Variants in SPAG9 observed in about 807,000 individuals in gnomAD.
SPAG9 encodes the protein C-Jun-amino-terminal kinase-interacting protein 4.
SPAG9 carries 35 observed loss-of-function variants against 166.5 expected under a neutral mutation model. The ratio of observed to expected loss-of-function variants is 0.21; its 90% CI spans 0.16 to 0.28. SPAG9 has a LOEUF of 0.28. Ranked by LOEUF, SPAG9 falls within the 10% of genes least tolerant of loss-of-function variation. The pLI is 1.00. For synonymous variants in SPAG9, 534 were observed against 565.5 expected (o/e 0.94, Z 0.79); for missense variants, 1,235 against 1,603.3 (o/e 0.77, Z 3.92).
chr17:51,029,795 G>A (rs2046320556), intron 6 of SPAG9, among the ~76,000 whole-genome samples: 1 of 152,158 alleles, frequency 6.6e-6, no homozygotes, highest in Admixed American at 6.6e-5. Context: ...TTTAATGAGT[G>A]CAGAGTTTTA....
rs1413591196 is a variant in SPAG9 at position 50,984,969 on chromosome 17, T to C, written c.3042A>G (p.Leu1014=). The change falls in exon 24 of 30, where the codon TTA becomes TTG. Residue 1014 remains leucine (L), a synonymous_variant. Transcript: ENST00000262013. Reference sequence around the variant, plus strand: ...CAAGGGTGCCGTCAGCCAGGGCTACTAACACGATTCCCTTCACGTGTCTGC... The same window carrying C: ...CAAGGGTGCCGTCAGCCAGGGCTACCAACACGATTCCCTTCACGTGTCTGC... ...LSIVHVKGIV[L]VALADGTLAI... The C allele has an allele frequency of 6.2e-7, 1 of 1,614,086 alleles. No homozygotes were observed. Among genetic ancestry groups the C allele is most frequent in the Non-Finnish European group, 8.5e-7 (1 of 1,180,028 alleles).
chr17:50,962,518 C>A lies in SPAG9; in HGVS notation c.*3754G>T, dbSNP rs546015648. On this transcript the variant is annotated 3_prime_UTR_variant, in exon 30 of 30. Coordinates refer to ENST00000262013, the MANE Select transcript of SPAG9 (RefSeq NM_001130528.3). The stretch of plus-strand genomic sequence containing the variant: ...CATTTAGTGTTACAGAATAGCATAA[C>A]CCTGTTAGAAAAGCATTTATGATTT... 2.0e-5 allele frequency: 3 copies of A among 152,262 alleles called. No homozygotes were observed. The South Asian group carries it at 6.2e-4, about 32-fold the overall frequency. 9.4% of individuals were successfully genotyped at this position (152,262 alleles called of 1,614,324 possible).
At chr17:51,118,840 A>C (rs1260178938) in intron 1 of SPAG9, among the ~76,000 whole-genome samples, 1 of 152,182 alleles carries the variant, frequency 6.6e-6, no homozygotes, top group Non-Finnish European at 1.5e-5. Context: ...ACTTGAGGCC[A>C]GGAGTTCAAG....
At chr17:51,023,111 TTAAGTTATTC>T (rs1271642561) in intron 6 of SPAG9, among the ~76,000 whole-genome samples, 3 of 148,696 alleles carry the variant, frequency 2.0e-5, no homozygotes. Context: ...AAGATTCTTA[TTAAGTTATTC>T]TACATTATGG....
At chr17:51,112,390 A>C (rs1045865320) in intron 1 of SPAG9, among the ~76,000 whole-genome samples, 1 of 149,540 alleles carries the variant, frequency 6.7e-6, no homozygotes, top group Non-Finnish European at 1.5e-5. Context: ...AAAAAAAAAA[A>C]GGCCAGGCGC....
In SPAG9 at chr17:50,993,864, C is replaced by A; in HGVS notation, c.2298G>T (p.Ser766=). The A allele has an allele frequency of 6.2e-7, 1 of 1,614,048 alleles. No individual in the cohort carries two copies. Among genetic ancestry groups the A allele is most frequent in the Non-Finnish European group, 8.5e-7 (1 of 1,179,970 alleles). Reference sequence around the variant, plus strand: ...CATCAATAATAAGAACTTTTGTAGCCGAATGAGTGCTGGTACAGATCCAAA... The same window carrying A: ...CATCAATAATAAGAACTTTTGTAGCAGAATGAGTGCTGGTACAGATCCAAA... ...SLVWICTSTH[S]ATKVLIIDAV... The change falls in exon 19 of 30, where the codon TCG becomes TCT. Residue 766 remains serine (S), a synonymous_variant. Transcript: ENST00000262013.
At chr17:51,034,956 G>C (rs2046529982) in intron 5 of SPAG9, among the ~76,000 whole-genome samples, 1 of 152,160 alleles carries the variant, frequency 6.6e-6, no homozygotes, top group Admixed American at 6.6e-5. Context: ...GGTCATGAAA[G>C]ACAAGACAAG....
chr17:51,071,143 G>C (rs908645110), intron 2 of SPAG9, among the ~76,000 whole-genome samples: 9 of 151,838 alleles, frequency 5.9e-5, no homozygotes, highest in Admixed American at 5.3e-4. Flanking sequence ...ACCATACCTA[G>C]GCAGAATGCT....
intron 1 of SPAG9, among the ~76,000 whole-genome samples, chr17:51,114,661 T>A (rs1032313852): frequency 1.3e-5 from 2 of 151,698 alleles, no homozygotes; most frequent in Non-Finnish European, 2.9e-5. Flanking sequence ...AAATAAAATA[T>A]CAAGTGTGGG....
chr17:51,077,005 G>GCTAT (rs201838131), intron 2 of SPAG9, among the ~76,000 whole-genome samples: 1,314 of 92,202 alleles, frequency 0.014, 68 homozygotes, highest in South Asian at 0.041. Flanking sequence ...TAGCTATCTA[G>GCTAT]CTAGCTAGCT....
intron 2 of SPAG9, 35 bp from the exon 3 acceptor site, chr17:51,056,517 A>C (rs759568960): frequency 7.4e-7 from 1 of 1,350,968 alleles, no homozygotes; most frequent in South Asian, 1.2e-5. Context: ...ATCAAAACAA[A>C]ATAAGAAATT....
At chr17:51,002,766 AAAC>A (rs75218074) in intron 12 of SPAG9, among the ~76,000 whole-genome samples, 19 of 151,818 alleles carry the variant, frequency 1.3e-4, no homozygotes, top group South Asian at 6.3e-4. Context: ...TTAAAAAACA[AAAC>A]AACAACAACA....
chr17:51,013,869 T>C (rs1165334587), intron 9 of SPAG9, among the ~76,000 whole-genome samples: 2 of 149,642 alleles, frequency 1.3e-5, no homozygotes, highest in Admixed American at 6.8e-5. Flanking sequence ...AGGGGATAAC[T>C]AGGCATCAAT....
intron 29 of SPAG9, among the ~76,000 whole-genome samples, chr17:50,967,556 T>TA (rs1387789371): frequency 2.6e-5 from 4 of 152,110 alleles, no homozygotes; most frequent in Admixed American, 6.6e-5. Flanking sequence ...GGTTAGAAGG[T>TA]AAAAAAATTA....
intron 1 of SPAG9, among the ~76,000 whole-genome samples, chr17:51,100,393 C>A (rs1174694032): frequency 1.3e-5 from 2 of 151,948 alleles, no homozygotes; most frequent in East Asian, 3.9e-4. Context: ...CTGCTTGAGC[C>A]CAGAAGTTTC....
intron 3 of SPAG9, among the ~76,000 whole-genome samples, chr17:51,053,857 ATATATATATATATATATAT>A (rs2047268599): frequency 1.4e-4 from 5 of 36,582 alleles, no homozygotes; most frequent in South Asian, 2.1e-3. Context: ...AAAAAAAAGT[ATATATATATATATATATAT>A]ATATATATAT....
At chr17:51,044,317 A>C (rs186345958) in intron 4 of SPAG9, among the ~76,000 whole-genome samples, 40 of 152,354 alleles carry the variant, frequency 2.6e-4, no homozygotes, top group African/African-American at 9.4e-4. Flanking sequence ...AATGAGATAC[A>C]CGTGGAAAAC....
intron 8 of SPAG9, among the ~76,000 whole-genome samples, 173 bp downstream of exon 8, chr17:51,019,986 A>C (rs766792018): frequency 1.3e-5 from 2 of 152,252 alleles, no homozygotes; most frequent in Non-Finnish European, 2.9e-5. Flanking sequence ...AACATTTAAC[A>C]AAAAATTTAA....
At chr17:51,053,854 A>AGTATATAT (rs2047264373) in intron 3 of SPAG9, among the ~76,000 whole-genome samples, 1 of 34,452 alleles carries the variant, frequency 2.9e-5, no homozygotes, top group African/African-American at 1.6e-4. Flanking sequence ...AAAAAAAAAA[A>AGTATATAT]GTATATATAT....
Sources: allele counts gnomAD v4.1 joint callset (sites outside exome capture counted in the v4.1 genomes callset), GRCh38; gene constraint gnomAD v4.1.1; transcripts MANE v1.5; gene names NCBI Gene and HGNC (gene_info 2026-07-23, HGNC 2026-07-21).